Variants in DIP2C observed in about 807,000 individuals in gnomAD.
DIP2C encodes the protein disco-interacting protein 2 homolog C.
DIP2C carries 33 observed loss-of-function variants against 192.4 expected under a neutral mutation model. The observed-to-expected ratio is 0.17, with a 90% confidence interval of 0.13 to 0.23. DIP2C has a LOEUF of 0.23. DIP2C is among the 10% of genes least tolerant of loss of function. The probability of loss-of-function intolerance (pLI) is 1.00; values close to 1 mark genes in which losing one functional copy is unlikely to be tolerated. For missense variants in DIP2C, 1,537 were observed against 2,110.1 expected, an observed-to-expected ratio of 0.73 and a Z score of 5.32; for synonymous variants, 979 against 864.1, an observed-to-expected ratio of 1.13 and a Z score of -2.33.
At chr10:390,665 G>T in intron 11 of DIP2C, 75 bp downstream of exon 11, 1 of 1,556,114 alleles carries the variant, frequency 6.4e-7, no homozygotes, top group Non-Finnish European at 8.7e-7. Context: ...AAACCGAGGC[G>T]GGGTGACGTA....
intron 2 of DIP2C, among the ~76,000 whole-genome samples, chr10:480,743 G>A (rs1168013700): frequency 2.0e-5 from 3 of 152,228 alleles, no homozygotes; most frequent in South Asian, 4.1e-4. Flanking sequence ...GGAAATAAAC[G>A]TACGGGATCA....
chr10:438,433 A>G (rs1277775918), intron 4 of DIP2C, among the ~76,000 whole-genome samples: 2 of 152,258 alleles, frequency 1.3e-5, no homozygotes, highest in Non-Finnish European at 2.9e-5. Context: ...ACATACAAAT[A>G]ACATTTTTTT....
intron 1 of DIP2C, among the ~76,000 whole-genome samples, chr10:524,489 A>G (rs1325216204): frequency 6.6e-6 from 1 of 152,124 alleles, no homozygotes; most frequent in Non-Finnish European, 1.5e-5. Context: ...ACTTTTATAT[A>G]CCTTACATAT....
At chr10:555,301 A>G (rs937115626) in intron 1 of DIP2C, among the ~76,000 whole-genome samples, 2 of 152,014 alleles carry the variant, frequency 1.3e-5, no homozygotes, top group East Asian at 1.9e-4. Flanking sequence ...TTTTAAGGGC[A>G]GGATCATTTT....
chr10:489,944 C>T (rs7917638), intron 1 of DIP2C, among the ~76,000 whole-genome samples: 373 of 19,546 alleles, frequency 0.019, 8 homozygotes, highest in Middle Eastern at 0.033. Context: ...ACCAGGGACA[C>T]GGTGGCTCTG....
At position 336,773 on chromosome 10, in the gene DIP2C, G is replaced by A. The variant is rs1957787753; in HGVS notation, c.3584+4426C>T. Among the ~76,000 whole-genome samples, 9 of 152,238 alleles carry A rather than the reference G, an allele frequency of 5.9e-5. No homozygotes were observed. In the South Asian group the frequency reaches 1.9e-3, roughly 32 times the overall value. ...CCCTGAAGGCCCTCCAGTGGGACAAGAGGTGGAGGGGAAAACAGTGACACT... is the reference window on the plus strand; with the variant it reads ...CCCTGAAGGCCCTCCAGTGGGACAAAAGGTGGAGGGGAAAACAGTGACACT... On this transcript the variant is annotated intron_variant, in intron 29 of 36. Transcript: ENST00000280886.
At chr10:621,473 G>A (rs919805344) in intron 1 of DIP2C, among the ~76,000 whole-genome samples, 1 of 149,252 alleles carries the variant, frequency 6.7e-6, no homozygotes, top group African/African-American at 2.5e-5. Flanking sequence ...ATGCGCTCAC[G>A]AGTCTATGCC....
At chr10:474,922 C>T (rs1307050574) in intron 2 of DIP2C, among the ~76,000 whole-genome samples, 1 of 151,870 alleles carries the variant, frequency 6.6e-6, no homozygotes, top group Non-Finnish European at 1.5e-5. Context: ...TTGTAATATC[C>T]ATTCCTTTCT....
intron 1 of DIP2C, among the ~76,000 whole-genome samples, chr10:599,798 G>A (rs981920997): frequency 2.0e-4 from 30 of 152,256 alleles, no homozygotes; most frequent in African/African-American, 6.5e-4. Flanking sequence ...TTGAGGAGAG[G>A]GGACGAGCTG....
chr10:554,791 G>A (rs900902415), intron 1 of DIP2C, among the ~76,000 whole-genome samples: 1 of 152,166 alleles, frequency 6.6e-6, no homozygotes, highest in Non-Finnish European at 1.5e-5. Context: ...TCATCAAAAG[G>A]CATCAGGAAA....
chr10:318,660 A>G (rs1564547131), intron 31 of DIP2C, among the ~76,000 whole-genome samples: 1 of 152,200 alleles, frequency 6.6e-6, no homozygotes. Flanking sequence ...TACCTGGAAT[A>G]TGGTTTCCAT....
chr10:585,145 C>T (rs1291649079), intron 1 of DIP2C, among the ~76,000 whole-genome samples: 3 of 152,212 alleles, frequency 2.0e-5, no homozygotes, highest in Non-Finnish European at 4.4e-5. Context: ...GGTACTTTTC[C>T]CTCAACACAA....
chr10:633,903 A>C (rs757437872), intron 1 of DIP2C, among the ~76,000 whole-genome samples: 5 of 152,096 alleles, frequency 3.3e-5, no homozygotes, highest in Non-Finnish European at 7.4e-5. Flanking sequence ...AATGCACTCA[A>C]CTCCCAAACA....
chr10:338,696 C>A (rs1482965035), intron 29 of DIP2C, among the ~76,000 whole-genome samples: 1 of 152,190 alleles, frequency 6.6e-6, no homozygotes, highest in South Asian at 2.1e-4. Flanking sequence ...ATTCCCCACA[C>A]GGAGCCGATC....
chr10:551,169 AG>A (rs1848565545), intron 1 of DIP2C, among the ~76,000 whole-genome samples: 1 of 152,178 alleles, frequency 6.6e-6, no homozygotes, highest in South Asian at 2.1e-4. Context: ...ACCCACAGCC[AG>A]TCCCCTCCTT....
intron 4 of DIP2C, among the ~76,000 whole-genome samples, chr10:432,191 G>A (rs1185876006): frequency 1.3e-5 from 2 of 151,996 alleles, no homozygotes; most frequent in African/African-American, 4.8e-5. Flanking sequence ...TCCAGTTTTG[G>A]TATTAAAATG....
intron 1 of DIP2C, among the ~76,000 whole-genome samples, chr10:537,837 G>C (rs1373606314): frequency 6.6e-6 from 1 of 151,716 alleles, no homozygotes; most frequent in Admixed American, 6.6e-5. Flanking sequence ...TGTAGTGCAG[G>C]CTGGAGTGCA....
chr10:602,869 G>C (rs1219209626), intron 1 of DIP2C, among the ~76,000 whole-genome samples: 1 of 152,116 alleles, frequency 6.6e-6, no homozygotes, highest in Non-Finnish European at 1.5e-5. Flanking sequence ...GGGTGAGGCC[G>C]GACAGCAACA....
At position 644,168 on chromosome 10, in the gene DIP2C, A is replaced by T. The variant is rs192945221; in HGVS notation, c.85+45326T>A. The stretch of plus-strand genomic sequence containing the variant: ...ACATCAGCTTGCCAAGGCTGTCCTG[A>T]AGTCCAGGAGCCCCTCAGGAGAACA... On this transcript the variant is annotated intron_variant, in intron 1 of 36. Transcript: ENST00000280886. Among the ~76,000 whole-genome samples the T allele has an allele frequency of 5.9e-3, 895 of 152,360 alleles. 5 individuals are homozygous for T. The highest frequency in any genetic ancestry group is 7.7e-3 in the South Asian group (37 of 4,832).
Sources: allele counts gnomAD v4.1 joint callset (sites outside exome capture counted in the v4.1 genomes callset), GRCh38; gene constraint gnomAD v4.1.1; transcripts MANE v1.5; gene names NCBI Gene and HGNC (gene_info 2026-07-23, HGNC 2026-07-21).